CSMD1: variants seen among roughly 807,000 people sequenced by gnomAD.
CSMD1 encodes CUB and sushi domain-containing protein 1.
A neutral mutation model predicts 417.5 loss-of-function variants in CSMD1; 213 were observed. The observed-to-expected ratio is 0.51, with a 90% CI of 0.46 to 0.57. The LOEUF (loss-of-function observed/expected upper bound fraction) is 0.57, where lower values mean the gene tolerates loss of function less well. CSMD1 is among the 20% of genes least tolerant of loss of function. CSMD1 has a pLI of 0.00. For missense variants in CSMD1, 6,923 were observed against 4,529.7 expected (o/e 1.53, Z -15.17); for synonymous variants, 2,862 against 1,736.8 (o/e 1.65, Z -16.11).
At chr8:3,640,915 G>C (rs550699212) in intron 7 of CSMD1, among the ~76,000 whole-genome samples, 7 of 151,680 alleles carry the variant, frequency 4.6e-5, no homozygotes, top group African/African-American at 7.3e-5. Flanking sequence ...TGGTTTGCCA[G>C]CTTTGTCTTT....
intron 41 of CSMD1, among the ~76,000 whole-genome samples, chr8:3,124,459 C>A (rs904178588): frequency 3.3e-5 from 5 of 152,144 alleles, no homozygotes; most frequent in Admixed American, 2.0e-4. Context: ...AAATTAAGAT[C>A]TAAGTAGGAA....
intron 12 of CSMD1, among the ~76,000 whole-genome samples, chr8:3,453,044 G>C (rs754626260): frequency 6.6e-6 from 1 of 152,128 alleles, no homozygotes; most frequent in Non-Finnish European, 1.5e-5. Flanking sequence ...GTTTAGTCTT[G>C]GGAGAGTGTA....
chr8:4,467,877 G>T (rs1343090697), intron 2 of CSMD1, among the ~76,000 whole-genome samples: 2 of 152,152 alleles, frequency 1.3e-5, no homozygotes, highest in Non-Finnish European at 2.9e-5. Context: ...CAAAAAAACA[G>T]AATCATCTAG....
At chr8:4,303,422 G>GTTTTTTTTTTTTTTTTTTTTTT (rs71511194) in intron 3 of CSMD1, among the ~76,000 whole-genome samples, 4 of 85,216 alleles carry the variant, frequency 4.7e-5, no homozygotes, top group African/African-American at 1.9e-4. Context: ...GCAGGAAGCT[G>GTTTTTTTTTTTTTTTTTTTTTT]TTTTTTTTTT....
intron 6 of CSMD1, among the ~76,000 whole-genome samples, chr8:3,711,064 T>A (rs1363504824): frequency 2.6e-5 from 4 of 152,126 alleles, no homozygotes; most frequent in South Asian, 2.1e-4. Context: ...TCTGAGATAT[T>A]TTCCTATAGC....
At chr8:4,241,314 A>T (rs1802383625) in intron 3 of CSMD1, among the ~76,000 whole-genome samples, 1 of 152,216 alleles carries the variant, frequency 6.6e-6, no homozygotes, top group African/African-American at 2.4e-5. Context: ...ACCCCCTGGA[A>T]CATATTTCAC....
chr8:3,621,521 T>G (rs73181133), intron 7 of CSMD1, among the ~76,000 whole-genome samples: 12,447 of 152,182 alleles, frequency 0.082, 729 homozygotes, highest in Middle Eastern at 0.14. Context: ...AGATGAATAG[T>G]GGTGATGGAT....
chr8:4,100,179 C>CA (rs752736585), intron 3 of CSMD1, among the ~76,000 whole-genome samples: 11 of 152,098 alleles, frequency 7.2e-5, no homozygotes, highest in Non-Finnish European at 1.3e-4. Context: ...CATATACTAC[C>CA]ACTACCTTGG....
chr8:4,480,202 A>C (rs1585143931), intron 2 of CSMD1, among the ~76,000 whole-genome samples: 1 of 146,880 alleles, frequency 6.8e-6, no homozygotes, highest in Admixed American at 6.8e-5. Flanking sequence ...AAAAAAAAAC[A>C]AAAAAAAACC....
chr8:3,371,753 T>C (rs543984495), intron 18 of CSMD1, among the ~76,000 whole-genome samples: 8 of 152,168 alleles, frequency 5.3e-5, no homozygotes, highest in Non-Finnish European at 8.8e-5. Context: ...GTAAACCTCA[T>C]GGGAAGCATG....
chr8:4,262,133 G>C (rs1173213983), intron 3 of CSMD1, among the ~76,000 whole-genome samples: 1 of 152,094 alleles, frequency 6.6e-6, no homozygotes, highest in Non-Finnish European at 1.5e-5. Flanking sequence ...AATTGTTAGA[G>C]TTCTAATTCT....
intron 5 of CSMD1, among the ~76,000 whole-genome samples, chr8:3,958,771 G>A (rs535438494): frequency 6.6e-6 from 1 of 152,190 alleles, no homozygotes; most frequent in African/African-American, 2.4e-5. Context: ...CTTCTGTCCA[G>A]TTCAAAGAGG....
At chr8:3,343,226 A>T (rs1563291473) in intron 23 of CSMD1, 68 bp downstream of exon 23, 1 of 1,375,816 alleles carries the variant, frequency 7.3e-7, no homozygotes, top group South Asian at 1.3e-5. Flanking sequence ...AAAACTTAAT[A>T]TAAGCCAAGT....
intron 3 of CSMD1, among the ~76,000 whole-genome samples, chr8:4,159,234 G>T (rs1714773): frequency 2.6e-5 from 4 of 152,176 alleles, no homozygotes; most frequent in Non-Finnish European, 5.9e-5. Flanking sequence ...TTTATTGATA[G>T]ATAACCGTGA....
At chr8:3,492,403 C>T (rs1227745341) in intron 11 of CSMD1, among the ~76,000 whole-genome samples, 1 of 152,156 alleles carries the variant, frequency 6.6e-6, no homozygotes, top group East Asian at 1.9e-4. Flanking sequence ...GAGGCATCCT[C>T]AGTAGTATAT....
chr8:4,627,733 C>G (rs1396837927), intron 2 of CSMD1, among the ~76,000 whole-genome samples: 2 of 152,138 alleles, frequency 1.3e-5, no homozygotes, highest in African/African-American at 2.4e-5. Flanking sequence ...AGTTGCTCCC[C>G]TCAGCCAGTT....
chr8:4,458,019 C>T (rs78338715), intron 2 of CSMD1, among the ~76,000 whole-genome samples: 2 of 152,102 alleles, frequency 1.3e-5, no homozygotes, highest in South Asian at 2.1e-4. Context: ...TCCCTATATC[C>T]GGTATTCCTC....
intron 5 of CSMD1, among the ~76,000 whole-genome samples, chr8:3,992,544 G>A (rs559196171): frequency 6.6e-6 from 1 of 152,306 alleles, no homozygotes; most frequent in South Asian, 2.1e-4. Context: ...CACACTTTGG[G>A]AGGCTGAGCC....
intron 5 of CSMD1, among the ~76,000 whole-genome samples, chr8:3,795,119 T>G (rs79989328): frequency 0.29 from 20,620 of 70,290 alleles, 3,668 homozygotes; most frequent in Non-Finnish European, 0.39. Flanking sequence ...GCTATAGATA[T>G]CTATCATGTA....
Sources: gnomAD v4.1 joint callset for allele counts (sites outside exome capture counted in the v4.1 genomes callset) on GRCh38, gnomAD v4.1.1 for gene constraint, MANE v1.5 for transcripts, NCBI Gene and HGNC (gene_info 2026-07-23, HGNC 2026-07-21) for gene names.